The following PRKN variants were observed in gnomAD, a reference collection of about 807,000 sequenced individuals.
PRKN encodes parkin RBR E3 ubiquitin protein ligase.
In PRKN, 56 loss-of-function variants were observed where a neutral mutation model predicts 59.5. The observed-to-expected ratio is 0.94, with a 90% CI of 0.76 to 1.18. PRKN has a LOEUF of 1.18. Among genes scored for constraint, PRKN ranks in the 50% most tolerant of loss-of-function variants. The pLI is 0.00. For synonymous variants in PRKN, 250 were observed against 222.1 expected, an observed-to-expected ratio of 1.13 and a Z score of -1.12; for missense variants, 657 against 596.4, an observed-to-expected ratio of 1.10 and a Z score of -1.06.
In PRKN at chr6:161,500,978, C is replaced by A. The variant is rs531496435; in HGVS notation, c.1083+47876G>T. 6.0e-5 allele frequency among the ~76,000 whole-genome samples: 9 copies of A among 149,420 alleles called. No homozygotes were observed. In the East Asian group the frequency reaches 9.9e-4, roughly 16 times the overall value. ...GCAACCTCCGCCTCCTGGGTTCAAG[C>A]GATTCTCCTGCCTCAGACTCCCAAG... On this transcript the variant is annotated intron_variant, in intron 9 of 11. Transcript: ENST00000366898.
At chr6:162,154,350 T>C (rs1782408923) in intron 4 of PRKN, among the ~76,000 whole-genome samples, 1 of 152,144 alleles carries the variant, frequency 6.6e-6, no homozygotes, top group African/African-American at 2.4e-5. Flanking sequence ...AGAAAATGCC[T>C]GAAAATTTGG....
chr6:162,080,183 C>T (rs769953482), intron 4 of PRKN, among the ~76,000 whole-genome samples: 27 of 151,990 alleles, frequency 1.8e-4, no homozygotes, highest in Non-Finnish European at 3.1e-4. Flanking sequence ...TAGAAAAATA[C>T]AGAATTTAGA....
chr6:161,528,896 T>C (rs910886084), intron 9 of PRKN, among the ~76,000 whole-genome samples: 3 of 152,162 alleles, frequency 2.0e-5, no homozygotes, highest in African/African-American at 7.2e-5. Flanking sequence ...GCCAAATAAA[T>C]AAGGCCTTCT....
chr6:162,385,543 A>T (rs1786756282), intron 2 of PRKN, among the ~76,000 whole-genome samples: 1 of 152,118 alleles, frequency 6.6e-6, no homozygotes, highest in Non-Finnish European at 1.5e-5. Context: ...AACTCATCCC[A>T]AACATCAAAT....
At chr6:162,226,132 T>G (rs944586417) in intron 3 of PRKN, among the ~76,000 whole-genome samples, 2 of 149,690 alleles carry the variant, frequency 1.3e-5, no homozygotes, top group Admixed American at 6.7e-5. Context: ...TAGAAAGAAC[T>G]TAAGGAGAAA....
At chr6:162,275,659 C>T (rs1046350427) in intron 2 of PRKN, among the ~76,000 whole-genome samples, 1 of 151,960 alleles carries the variant, frequency 6.6e-6, no homozygotes, top group Admixed American at 6.6e-5. Context: ...GTGGCGGATG[C>T]CTGCAATCCC....
intron 10 of PRKN, among the ~76,000 whole-genome samples, chr6:161,380,251 T>A (rs1286048070): frequency 6.6e-6 from 1 of 152,060 alleles, no homozygotes; most frequent in Non-Finnish European, 1.5e-5. Context: ...AATGAACAAT[T>A]CCTCCAACCC....
chr6:162,655,139 C>T (rs1190481427), intron 1 of PRKN, among the ~76,000 whole-genome samples: 2 of 151,956 alleles, frequency 1.3e-5, no homozygotes, highest in Non-Finnish European at 2.9e-5. Flanking sequence ...TTTATTATTA[C>T]AATATATTAA....
At chr6:161,739,439 G>A (rs1788100651) in intron 7 of PRKN, among the ~76,000 whole-genome samples, 1 of 151,742 alleles carries the variant, frequency 6.6e-6, no homozygotes, top group South Asian at 2.1e-4. Flanking sequence ...AAAACAAGCA[G>A]GAGATGCACT....
intron 9 of PRKN, among the ~76,000 whole-genome samples, chr6:161,516,414 C>A (rs1778590088): frequency 7.4e-6 from 1 of 134,820 alleles, no homozygotes; most frequent in Non-Finnish European, 1.5e-5. Flanking sequence ...TTGCAGTGAG[C>A]CAAGATTGCA....
At chr6:162,105,155 A>T (rs944514759) in intron 4 of PRKN, among the ~76,000 whole-genome samples, 1 of 152,172 alleles carries the variant, frequency 6.6e-6, no homozygotes, top group Non-Finnish European at 1.5e-5. Context: ...TATGGCTCTA[A>T]ACGGGGATAG....
intron 2 of PRKN, among the ~76,000 whole-genome samples, chr6:162,419,774 CCAGAGA>C (rs1788855974): frequency 8.3e-6 from 1 of 120,886 alleles, no homozygotes; most frequent in Non-Finnish European, 1.7e-5. Flanking sequence ...AGAGACAGAG[CCAGAGA>C]CAGGGACAGG....
At chr6:161,838,507 C>A (rs1792852742) in intron 6 of PRKN, among the ~76,000 whole-genome samples, 1 of 152,238 alleles carries the variant, frequency 6.6e-6, no homozygotes, top group Admixed American at 6.5e-5. Flanking sequence ...TCATTCCCAT[C>A]TGGCAGGATT....
chr6:161,991,009 G>C (rs763684343), intron 5 of PRKN, among the ~76,000 whole-genome samples: 1 of 152,120 alleles, frequency 6.6e-6, no homozygotes, highest in African/African-American at 2.4e-5. Context: ...TAAGAGAAAA[G>C]TGTCATGTCA....
chr6:162,620,275 G>A (rs1782609962), intron 1 of PRKN, among the ~76,000 whole-genome samples: 1 of 151,958 alleles, frequency 6.6e-6, no homozygotes, highest in Non-Finnish European at 1.5e-5. Context: ...CTTTTTCAGT[G>A]AAAATGAGGA....
chr6:162,614,272 G>A (rs912415799), intron 1 of PRKN, among the ~76,000 whole-genome samples: 3 of 152,024 alleles, frequency 2.0e-5, no homozygotes, highest in African/African-American at 7.3e-5. Flanking sequence ...AGGAGATGGC[G>A]GTGGCAATGG....
At chr6:162,116,463 A>C (rs1780677110) in intron 4 of PRKN, among the ~76,000 whole-genome samples, 1 of 152,226 alleles carries the variant, frequency 6.6e-6, no homozygotes, top group Non-Finnish European at 1.5e-5. Context: ...AAGAGAAAGA[A>C]GATGGCTGAG....
intron 1 of PRKN, among the ~76,000 whole-genome samples, chr6:162,616,272 C>G (rs1264995519): frequency 6.6e-6 from 1 of 152,074 alleles, no homozygotes; most frequent in South Asian, 2.1e-4. Context: ...TGATAGTAAG[C>G]CCGCTGGGGA....
intron 6 of PRKN, among the ~76,000 whole-genome samples, chr6:161,802,503 C>T (rs989819035): frequency 6.6e-6 from 1 of 151,804 alleles, no homozygotes; most frequent in African/African-American, 2.4e-5. Flanking sequence ...ATGACCCACA[C>T]ATGCCCCACA....
Sources: allele counts gnomAD v4.1 joint callset (sites outside exome capture counted in the v4.1 genomes callset), GRCh38; gene constraint gnomAD v4.1.1; transcripts MANE v1.5; gene names NCBI Gene and HGNC (gene_info 2026-07-23, HGNC 2026-07-21).